CWF19L2: variants seen among roughly 807,000 people sequenced by gnomAD.
The protein encoded by CWF19L2 is CWF19 like cell cycle control factor 2.
In CWF19L2, 98 loss-of-function variants were observed where a neutral mutation model predicts 111.7. The observed-to-expected ratio is 0.88, with a 90% CI of 0.75 to 1.04. CWF19L2 has a LOEUF of 1.04. Among genes scored for constraint, CWF19L2 ranks in the 50% least tolerant of loss-of-function variants. CWF19L2 has a pLI of 0.00. For missense variants in CWF19L2, 1,101 were observed against 1,051.4 expected (o/e 1.05, Z -0.65); for synonymous variants, 351 against 342.9 (o/e 1.02, Z -0.26).
At chr11:107,346,605 T>C (rs1195857566) in intron 14 of CWF19L2, among the ~76,000 whole-genome samples, 6 of 152,090 alleles carry the variant, frequency 3.9e-5, no homozygotes, top group African/African-American at 1.4e-4. Flanking sequence ...ACAGATGACT[T>C]AGAGGAAAGC....
Position 107,336,629 on chromosome 11 carries a change from G to T in CWF19L2, c.2287C>A (p.Gln763Lys). The change falls in exon 15 of 18, where the codon CAG becomes AAG. Residue 763 changes from glutamine to lysine, a missense_variant. Transcript: ENST00000282251. ...ATACATTCATAAACCATGTGATACTGTTTCTTCATGCTCATATTAGTTTCC... is the reference window on the plus strand; with the variant it reads ...ATACATTCATAAACCATGTGATACTTTTTCTTCATGCTCATATTAGTTTCC... ...FLETNMSMKK[Q>K]YHMVYECIPL... The T allele has an allele frequency of 6.2e-7, 1 of 1,602,802 alleles. No individual in the cohort carries two copies. Among genetic ancestry groups the T allele is most frequent in the South Asian group, 1.1e-5 (1 of 89,306 alleles).
chr11:107,336,481 T>TA, intron 15 of CWF19L2, 77 bp downstream of exon 15: 1 of 1,182,502 alleles, frequency 8.5e-7, no homozygotes, highest in South Asian at 1.4e-5. Context: ...GAAAAATATG[T>TA]TAATAAAGAC....
intron 7 of CWF19L2, among the ~76,000 whole-genome samples, chr11:107,430,964 G>A (rs934594126): frequency 2.7e-5 from 4 of 149,786 alleles, no homozygotes; most frequent in East Asian, 2.0e-4. Context: ...ATATCAAAAC[G>A]TCATGGAATA....
intron 14 of CWF19L2, among the ~76,000 whole-genome samples, chr11:107,348,303 A>G (rs1033705221): frequency 6.6e-6 from 1 of 152,280 alleles, no homozygotes; most frequent in East Asian, 1.9e-4. Context: ...TTAAAAAAAT[A>G]AAGAGTTTTC....
intron 10 of CWF19L2, among the ~76,000 whole-genome samples, chr11:107,411,666 T>C (rs1027723638): frequency 6.6e-6 from 1 of 152,166 alleles, no homozygotes; most frequent in Non-Finnish European, 1.5e-5. Context: ...TTATTTAAGC[T>C]AATAAATTTA....
At chr11:107,336,035 C>T (rs1244496882) in intron 15 of CWF19L2, among the ~76,000 whole-genome samples, 1 of 152,128 alleles carries the variant, frequency 6.6e-6, no homozygotes, top group Non-Finnish European at 1.5e-5. Context: ...TCCTGGCCAA[C>T]ATGGTGAAAC....
At chr11:107,431,028 CA>C (rs572956822) in intron 7 of CWF19L2, among the ~76,000 whole-genome samples, 46 of 150,548 alleles carry the variant, frequency 3.1e-4, no homozygotes, top group Non-Finnish European at 5.3e-4. Flanking sequence ...TAAAAAAAAA[CA>C]AAAAAGTACC....
chr11:107,373,156 G>T (rs1591169660), intron 12 of CWF19L2, among the ~76,000 whole-genome samples: 1 of 108,012 alleles, frequency 9.3e-6, no homozygotes, highest in African/African-American at 4.4e-5. Context: ...TACCACAGCA[G>T]CTGAGATCAA....
intron 10 of CWF19L2, among the ~76,000 whole-genome samples, chr11:107,397,822 C>G (rs1860946052): frequency 6.6e-6 from 1 of 150,976 alleles, no homozygotes; most frequent in Non-Finnish European, 1.5e-5. Flanking sequence ...CTGAGAGACC[C>G]ATAGACAGTT....
intron 12 of CWF19L2, among the ~76,000 whole-genome samples, chr11:107,380,046 C>CAAAAAAAAAAAAAAAAAAAAA (rs66699460): frequency 1.2e-4 from 4 of 34,490 alleles, no homozygotes; most frequent in Admixed American, 5.4e-4. Flanking sequence ...GACACCGTCT[C>CAAAAAAAAAAAAAAAAAAAAA]AAAAAAAAAA....
At chr11:107,334,848 G>A in intron 16 of CWF19L2, 33 bp downstream of exon 16, 4 of 1,276,834 alleles carry the variant, frequency 3.1e-6, no homozygotes, top group Non-Finnish European at 4.6e-6. Context: ...GAGCACTAGG[G>A]TAATTTCTTT....
At chr11:107,395,405 C>G (rs905157676) in intron 10 of CWF19L2, among the ~76,000 whole-genome samples, 1 of 152,158 alleles carries the variant, frequency 6.6e-6, no homozygotes, top group African/African-American at 2.4e-5. Context: ...TGAAAACAGA[C>G]AAATACAAGA....
At chr11:107,423,548 C>G (rs1303254981) in intron 8 of CWF19L2, among the ~76,000 whole-genome samples, 2 of 151,874 alleles carry the variant, frequency 1.3e-5, no homozygotes, top group Non-Finnish European at 2.9e-5. Flanking sequence ...CCAGGTTTTT[C>G]TTTCCAACTA....
rs914704658 is a variant in CWF19L2, at chr11:107,443,003, T to A, written c.386A>T (p.Asp129Val). 6.4e-7 allele frequency: 1 copy of A among 1,551,982 alleles called. No individual in the cohort carries two copies. Among genetic ancestry groups the A allele is most frequent in the African/African-American group, 1.4e-5 (1 of 73,152 alleles). Residue 129 changes from aspartate (D) to valine (V), a missense_variant, in exon 4 of 18, where the codon GAC (aspartate) becomes GTC (valine). Transcript: ENST00000282251. ...WVEAVPSQTP[D>V]KEKAWKVKDE... ...TTTCACTTTCCAGGCTTTTTCCTTG[T>A]CAGGAGTCTGGGATGGAACAGCCTC...
chr11:107,396,617 A>G (rs544623627), intron 10 of CWF19L2, among the ~76,000 whole-genome samples: 3 of 152,246 alleles, frequency 2.0e-5, no homozygotes, highest in Non-Finnish European at 4.4e-5. Flanking sequence ...CCACAAGTGC[A>G]TATCATTTTT....
At chr11:107,452,711 G>A (rs1428413377) in intron 3 of CWF19L2, among the ~76,000 whole-genome samples, 1 of 152,230 alleles carries the variant, frequency 6.6e-6, no homozygotes, top group African/African-American at 2.4e-5. Context: ...AAAATAGGAG[G>A]CCAAGCATGG....
At chr11:107,383,989 C>T (rs1011115789) in intron 12 of CWF19L2, among the ~76,000 whole-genome samples, 1 of 152,168 alleles carries the variant, frequency 6.6e-6, no homozygotes. Flanking sequence ...TTATTTAGTG[C>T]TTCCTTTTCC....
chr11:107,340,749 G>A (rs1005892905), intron 14 of CWF19L2, among the ~76,000 whole-genome samples: 2 of 152,134 alleles, frequency 1.3e-5, no homozygotes, highest in African/African-American at 4.8e-5. Flanking sequence ...TAAAAATTGT[G>A]TTAAACTAGT....
intron 10 of CWF19L2, among the ~76,000 whole-genome samples, chr11:107,402,079 A>G (rs1363747275): frequency 1.3e-5 from 2 of 152,148 alleles, no homozygotes; most frequent in African/African-American, 4.8e-5. Context: ...ACAAAAATCA[A>G]CTCAAGATAG....
Sources: gnomAD v4.1 joint callset for allele counts (sites outside exome capture counted in the v4.1 genomes callset) on GRCh38, gnomAD v4.1.1 for gene constraint, MANE v1.5 for transcripts, NCBI Gene and HGNC (gene_info 2026-07-23, HGNC 2026-07-21) for gene names.